The following DENND1B variants were observed in gnomAD, a reference collection of about 807,000 sequenced individuals.
The protein encoded by DENND1B is DENN domain containing 1B.
In DENND1B, 59 loss-of-function variants were observed where a neutral mutation model predicts 90.1. That is an observed-to-expected ratio of 0.65 (90% CI 0.53 to 0.81). DENND1B has a LOEUF of 0.81. DENND1B is among the 40% of genes least tolerant of loss of function. The probability of loss-of-function intolerance (pLI) is 0.00; values close to 1 mark genes in which losing one functional copy is unlikely to be tolerated. For synonymous variants in DENND1B, 337 were observed against 324.6 expected, an observed-to-expected ratio of 1.04 and a Z score of -0.41; for missense variants, 862 against 912.6, an observed-to-expected ratio of 0.94 and a Z score of 0.71.
chr1:197,647,317 T>C (rs1400523111), intron 7 of DENND1B, among the ~76,000 whole-genome samples: 1 of 152,196 alleles, frequency 6.6e-6, no homozygotes, highest in Non-Finnish European at 1.5e-5. Context: ...ATTTTCATAT[T>C]ACAAGAGTAG....
At chr1:197,735,708 G>A (rs555292553) in intron 2 of DENND1B, 19 of 1,613,666 alleles carry the variant, frequency 1.2e-5, no homozygotes, top group South Asian at 7.7e-5. Context: ...CGCCAGGACC[G>A]ACAGGAAAGT....
Position 197,713,706 on chromosome 1 carries a change from C to T in DENND1B, c.126+1325G>A, listed in dbSNP as rs1184298251. On this transcript the variant is annotated intron_variant, in intron 3 of 22. Coordinates refer to ENST00000620048, the MANE Select transcript of DENND1B (RefSeq NM_001195215.2). Reference sequence around the variant, plus strand: ...ATATGTAACTAACCTGCACAATGTGCACATGTACTCTAAAACTTAGAGTAT... The same window carrying T: ...ATATGTAACTAACCTGCACAATGTGTACATGTACTCTAAAACTTAGAGTAT... Among the ~76,000 whole-genome samples the T allele has an allele frequency of 5.9e-4, 45 of 76,512 alleles. No homozygotes were observed. In the South Asian group the frequency reaches 0.018, roughly 31 times the overall value. The allele number at this position is 76,512 out of a possible 152,430, so 50.2% of individuals were successfully genotyped here.
At chr1:197,612,570 T>C (rs1246309262) in intron 11 of DENND1B, among the ~76,000 whole-genome samples, 1 of 150,654 alleles carries the variant, frequency 6.6e-6, no homozygotes, top group Non-Finnish European at 1.5e-5. Context: ...TGTGCTATCT[T>C]TCCCCTCATG....
intron 3 of DENND1B, among the ~76,000 whole-genome samples, chr1:197,681,600 T>C (rs941434832): frequency 6.6e-6 from 1 of 152,190 alleles, no homozygotes; most frequent in Non-Finnish European, 1.5e-5. Flanking sequence ...AGACTTTGTC[T>C]TCAACTATCT....
rs535704286 is a variant in DENND1B at position 197,509,067 on chromosome 1, G to A, written c.*1393C>T. 4 of 151,654 alleles carry A rather than the reference G, an allele frequency of 2.6e-5. No individual in the cohort carries two copies. Among genetic ancestry groups the A allele is most frequent in the African/African-American group, 9.7e-5 (4 of 41,342 alleles). The allele number at this position is 151,654 out of a possible 1,614,324, so 9.4% of individuals were successfully genotyped here. A position where few individuals can be genotyped will look rare whatever the true frequency, so the allele number is the denominator to read the frequency against. On this transcript the variant is annotated 3_prime_UTR_variant, in exon 23 of 23. Transcript: ENST00000620048. ...GAGTGACAAACGCTACCTCAGCCAG[G>A]TTATCAAGGTCCCTGTCAGCATTCA...
chr1:197,631,411 G>A (rs1558329792), intron 10 of DENND1B, among the ~76,000 whole-genome samples: 1 of 152,000 alleles, frequency 6.6e-6, no homozygotes, highest in Non-Finnish European at 1.5e-5. Context: ...ATGTACTGTA[G>A]AGTAGTTAGG....
intron 2 of DENND1B, among the ~76,000 whole-genome samples, chr1:197,723,621 T>G (rs1398999413): frequency 1.3e-5 from 2 of 152,120 alleles, no homozygotes; most frequent in African/African-American, 4.8e-5. Context: ...AGTTAATAGG[T>G]TGCTTGTAGA....
intron 20 of DENND1B, among the ~76,000 whole-genome samples, chr1:197,519,662 G>C (rs1668635792): frequency 6.6e-6 from 1 of 151,952 alleles, no homozygotes; most frequent in African/African-American, 2.4e-5. Context: ...AGTTGACCTA[G>C]TGTGGGAGGT....
At chr1:197,561,350 G>A (rs1377015495) in intron 15 of DENND1B, among the ~76,000 whole-genome samples, 5 of 151,856 alleles carry the variant, frequency 3.3e-5, no homozygotes, top group African/African-American at 1.2e-4. Flanking sequence ...ATTTGACAGT[G>A]TTGATCCCTC....
chr1:197,773,301 A>C (rs1284229005), intron 1 of DENND1B, among the ~76,000 whole-genome samples: 1 of 152,194 alleles, frequency 6.6e-6, no homozygotes, highest in Non-Finnish European at 1.5e-5. Flanking sequence ...ATCTTATTGG[A>C]TCAAATTTAA....
At chr1:197,607,866 T>G (rs926222541) in intron 12 of DENND1B, among the ~76,000 whole-genome samples, 1 of 150,730 alleles carries the variant, frequency 6.6e-6, no homozygotes, top group African/African-American at 2.4e-5. Flanking sequence ...AATTTTATCA[T>G]AGTTTTCATC....
intron 3 of DENND1B, among the ~76,000 whole-genome samples, chr1:197,683,979 G>T (rs997903054): frequency 6.6e-6 from 1 of 152,120 alleles, no homozygotes; most frequent in African/African-American, 2.4e-5. Flanking sequence ...AACTTCGGAG[G>T]TGCCCTAGGG....
chr1:197,722,848 T>C (rs1244964594), intron 2 of DENND1B, among the ~76,000 whole-genome samples: 1 of 152,198 alleles, frequency 6.6e-6, no homozygotes, highest in Non-Finnish European at 1.5e-5. Context: ...TTTGAAAATA[T>C]GTCCATTTGT....
At chr1:197,572,133 CA>C (rs1673218880) in intron 15 of DENND1B, among the ~76,000 whole-genome samples, 1 of 152,154 alleles carries the variant, frequency 6.6e-6, no homozygotes, top group African/African-American at 2.4e-5. Flanking sequence ...CCGGGAAGCA[CA>C]AGGGGTTGGG....
In DENND1B at chr1:197,568,598, T is replaced by C. The variant is rs1022332449; in HGVS notation, c.1149+14554A>G. On this transcript the variant is annotated intron_variant, in intron 15 of 22. Transcript: ENST00000620048. Reference sequence around the variant, plus strand: ...GACATCACATTATCTGATCTCAAAATATACTATGAAGCCATAATAACCAAA... The same window carrying C: ...GACATCACATTATCTGATCTCAAAACATACTATGAAGCCATAATAACCAAA... Among the ~76,000 whole-genome samples, 13 of 152,094 alleles carry C rather than the reference T, an allele frequency of 8.5e-5. 1 individual carries two copies. The highest frequency in any genetic ancestry group is 7.9e-4 in the Admixed American group (12 of 15,258).
chr1:197,522,015 T>C (rs1668811536), intron 20 of DENND1B, among the ~76,000 whole-genome samples: 1 of 152,000 alleles, frequency 6.6e-6, no homozygotes, highest in African/African-American at 2.4e-5. Context: ...CTATGCTAGA[T>C]AAATAAGTCC....
At chr1:197,739,720 G>A (rs1047635689) in intron 2 of DENND1B, among the ~76,000 whole-genome samples, 3 of 151,988 alleles carry the variant, frequency 2.0e-5, no homozygotes, top group African/African-American at 7.2e-5. Context: ...ATTGTATCCT[G>A]GATATATTAA....
chr1:197,731,536 G>A (rs1177477947), intron 2 of DENND1B, among the ~76,000 whole-genome samples: 1 of 152,044 alleles, frequency 6.6e-6, no homozygotes, highest in Non-Finnish European at 1.5e-5. Flanking sequence ...TTCACGGCAT[G>A]GTAGTTACGT....
rs954746358 is a variant in DENND1B at position 197,775,332 on chromosome 1, C to G, written c.-177G>C. On this transcript the variant is annotated 5_prime_UTR_variant, in exon 1 of 23. Coordinates refer to ENST00000620048, the MANE Select transcript of DENND1B (RefSeq NM_001195215.2). ...TGTCGGCTGCGCCCCCGGCACTTCC[C>G]CGCCTCCCACCCCACCCACCAGAGC... is the stretch of plus-strand genomic sequence containing the variant. 4 of 377,294 alleles carry G rather than the reference C, an allele frequency of 1.1e-5. No homozygotes were observed. Among genetic ancestry groups the G allele is most frequent in the Non-Finnish European group, 1.8e-5 (4 of 218,052 alleles). 23.4% of individuals were successfully genotyped at this position (377,294 alleles called of 1,614,324 possible).
Sources: allele counts gnomAD v4.1 joint callset (sites outside exome capture counted in the v4.1 genomes callset), GRCh38; gene constraint gnomAD v4.1.1; transcripts MANE v1.5; gene names NCBI Gene and HGNC (gene_info 2026-07-23, HGNC 2026-07-21).